PCDHGA3: variants seen among roughly 807,000 people sequenced by gnomAD.
PCDHGA3 encodes protocadherin gamma subfamily A, 3, also known as protocadherin gamma-A3.
PCDHGA3 carries 40 observed loss-of-function variants against 58.5 expected under a neutral mutation model. The observed-to-expected ratio is 0.68, with a 90% CI of 0.53 to 0.89. The LOEUF (loss-of-function observed/expected upper bound fraction) is 0.89, where lower values mean the gene tolerates loss of function less well. PCDHGA3 is among the 40% of genes least tolerant of loss of function. The probability of loss-of-function intolerance (pLI) is 0.00; values close to 1 mark genes in which losing one functional copy is unlikely to be tolerated. For synonymous variants in PCDHGA3, 530 were observed against 525.7 expected (o/e 1.01, Z -0.11); for missense variants, 1,223 against 1,195.9 (o/e 1.02, Z -0.33).
chr5:141,367,752 C>G (rs1039897453), intron 1 of PCDHGA3: 1 of 152,068 alleles, frequency 6.6e-6, no homozygotes, highest in African/African-American at 2.4e-5. Context: ...GAGTTACATA[C>G]TGCTGCACTC....
At chr5:141,372,231 G>T (rs868293386) in intron 1 of PCDHGA3, 3 of 1,613,374 alleles carry the variant, frequency 1.9e-6, no homozygotes, top group Middle Eastern at 3.3e-4. Context: ...GCAGGCCAGC[G>T]AGCCCGGGCT....
Position 141,491,287 on chromosome 5 carries a change from C to T in PCDHGA3, c.2425-3520C>T, listed in dbSNP as rs1562145447. 2 of 1,614,030 alleles carry T rather than the reference C, an allele frequency of 1.2e-6. No homozygotes were observed. Among genetic ancestry groups the T allele is most frequent in the Admixed American group, 1.7e-5 (1 of 60,032 alleles). On this transcript the variant is annotated intron_variant, in intron 1 of 3. Coordinates refer to ENST00000253812, the MANE Select transcript of PCDHGA3 (RefSeq NM_018916.4). The surrounding 1 kb of genome is among the most constrained non-coding windows in gnomAD (Gnocchi z 6.9). ...GCCCAAATCCAGTGACTTCCTCATA[C>T]ACCCTCCTGAGCGTTCAGACCTTAC... is the stretch of plus-strand genomic sequence containing the variant.
rs142728816 is a variant in PCDHGA3 at position 141,356,050 on chromosome 5, G to T, written c.2424+9593G>T. On this transcript the variant is annotated intron_variant, in intron 1 of 3. Coordinates refer to ENST00000253812, the MANE Select transcript of PCDHGA3 (RefSeq NM_018916.4). ...AGACGTGACGTATTCTTTCCGGAAA[G>T]TAAGAGACAAAATATCACAGCTATT... 1,749 of 1,613,978 alleles carry T rather than the reference G, an allele frequency of 1.1e-3. 32 individuals carry two copies. In the East Asian group the frequency reaches 0.034, roughly 31 times the overall value.
At chr5:141,394,950 G>C in intron 1 of PCDHGA3, 1 of 1,613,848 alleles carries the variant, frequency 6.2e-7, no homozygotes, top group Non-Finnish European at 8.5e-7. Context: ...TGTGCTTCTG[G>C]GGCTCAGGCT....
intron 1 of PCDHGA3, chr5:141,355,848 T>G: frequency 6.2e-7 from 1 of 1,612,604 alleles, no homozygotes; most frequent in South Asian, 1.1e-5. Context: ...CGGCCTTCGA[T>G]GGAGGTGACC....
chr5:141,398,889 C>A (rs1300521650), intron 1 of PCDHGA3: 2 of 1,613,958 alleles, frequency 1.2e-6, no homozygotes, highest in Non-Finnish European at 1.7e-6. Context: ...TTCGGGAAAA[C>A]GTGCCACCAG....
chr5:141,378,017 A>G (rs1371705744), intron 1 of PCDHGA3: 1 of 152,202 alleles, frequency 6.6e-6, no homozygotes, highest in South Asian at 2.1e-4. Flanking sequence ...AGCTCTACTT[A>G]TATTATTTTT....
At position 141,490,857 on chromosome 5, in the gene PCDHGA3, C is replaced by G; in HGVS notation, c.2425-3950C>G. 6.2e-7 allele frequency: 1 copy of G among 1,613,832 alleles called. No homozygotes were observed. Among genetic ancestry groups the G allele is most frequent in the Admixed American group, 1.7e-5 (1 of 60,012 alleles). On this transcript the variant is annotated intron_variant, in intron 1 of 3. Coordinates refer to ENST00000253812, the MANE Select transcript of PCDHGA3 (RefSeq NM_018916.4). The surrounding 1 kb of genome is among the most constrained non-coding windows in gnomAD (Gnocchi z 5.4). ...AGATTGTGGTGGGGGTTCGAGACTCCGGCTCTCCCCCATTGCATGCCAACA... is the reference window on the plus strand; with the variant it reads ...AGATTGTGGTGGGGGTTCGAGACTCGGGCTCTCCCCCATTGCATGCCAACA...
At chr5:141,371,906 C>G in intron 1 of PCDHGA3, 1 of 1,613,406 alleles carries the variant, frequency 6.2e-7, no homozygotes, top group Non-Finnish European at 8.5e-7. Flanking sequence ...TGTCGTCCTA[C>G]GTGTCCGTGA....
chr5:141,458,553 T>G (rs987591790), intron 1 of PCDHGA3, among the ~76,000 whole-genome samples: 24 of 146,852 alleles, frequency 1.6e-4, no homozygotes, highest in Non-Finnish European at 2.5e-4. Flanking sequence ...TGTTTGTTTG[T>G]TTTGGTTTTG....
At chr5:141,368,190 GA>G (rs1352069840) in intron 1 of PCDHGA3, among the ~76,000 whole-genome samples, 2 of 152,032 alleles carry the variant, frequency 1.3e-5, no homozygotes, top group African/African-American at 4.8e-5. Flanking sequence ...TAAATAAGGG[GA>G]AAAGGTAATA....
chr5:141,348,698 G>T (rs945739744), intron 1 of PCDHGA3, among the ~76,000 whole-genome samples: 1 of 152,050 alleles, frequency 6.6e-6, no homozygotes, highest in East Asian at 1.9e-4. Flanking sequence ...TGAAGAATGG[G>T]CAAGAATCCA....
Position 141,490,732 on chromosome 5 carries a change from G to A in PCDHGA3, c.2425-4075G>A, listed in dbSNP as rs775388969. 6.2e-6 allele frequency: 10 copies of A among 1,614,188 alleles called. No homozygotes were observed. The highest frequency in any genetic ancestry group is 8.5e-6 in the Non-Finnish European group (10 of 1,180,042). ...CACCTACTCCATTGTAGGAAATCAG[G>A]TTCAGGGAGCCCCAGCCTCCTCCTT... On this transcript the variant is annotated intron_variant, in intron 1 of 3. Transcript: ENST00000253812. This position sits in a 1 kb window ranked among gnomAD's most constrained non-coding sequence, Gnocchi z 5.4.
At chr5:141,364,871 G>A (rs775321480) in intron 1 of PCDHGA3, 2 of 1,614,010 alleles carry the variant, frequency 1.2e-6, no homozygotes, top group Admixed American at 1.7e-5. Flanking sequence ...CTTCTCTCTG[G>A]ATGTGGTAAG....
chr5:141,497,131 A>G (rs1269110126), intron 2 of PCDHGA3, among the ~76,000 whole-genome samples: 3 of 152,122 alleles, frequency 2.0e-5, no homozygotes, highest in Admixed American at 6.6e-5. Flanking sequence ...GGTTGCAGTG[A>G]GCTGAGATCA....
rs765819865 is a variant in PCDHGA3, at chr5:141,394,837, TG to T, written c.2424+48383del. ...AGCATCCCCGAAGTCCTGACCGAGT[TG>T]GGCAGTCTGAAGCCTTCGGTCGACC... On this transcript the variant is annotated intron_variant, in intron 1 of 3. Transcript: ENST00000253812. The T allele has an allele frequency of 1.9e-6, 3 of 1,613,824 alleles. No homozygotes were observed. The South Asian group carries it at 3.3e-5, about 18-fold the overall frequency.
rs771356119 is a variant in PCDHGA3 at position 141,385,251 on chromosome 5, C to G, written c.2424+38794C>G. Reference sequence around the variant, plus strand: ...TAGACATGCTCATCAGCCAGGAGAGCTGTGAGAAAAATGATTCTTTGCTAA... The same window carrying G: ...TAGACATGCTCATCAGCCAGGAGAGGTGTGAGAAAAATGATTCTTTGCTAA... On this transcript the variant is annotated intron_variant, in intron 1 of 3. Coordinates refer to ENST00000253812, the MANE Select transcript of PCDHGA3 (RefSeq NM_018916.4). The G allele has an allele frequency of 1.2e-5, 19 of 1,613,660 alleles. No individual in the cohort carries two copies. The Admixed American group carries it at 1.8e-4, about 16-fold the overall frequency.
At chr5:141,422,724 G>T (rs560544401) in intron 1 of PCDHGA3, 3 of 1,606,016 alleles carry the variant, frequency 1.9e-6, no homozygotes, top group Admixed American at 3.3e-5. Context: ...CTGTCCAGGG[G>T]GTGCCTCTGT....
In PCDHGA3 at chr5:141,476,132, T is replaced by C. The variant is rs751708569; in HGVS notation, c.2425-18675T>C. 2 of 1,607,820 alleles carry C rather than the reference T, an allele frequency of 1.2e-6. No homozygotes were observed. The highest frequency in any genetic ancestry group is 1.1e-5 in the South Asian group (1 of 90,582). On this transcript the variant is annotated intron_variant, in intron 1 of 3. Coordinates refer to ENST00000253812, the MANE Select transcript of PCDHGA3 (RefSeq NM_018916.4). The surrounding 1 kb of genome is among the most constrained non-coding windows in gnomAD (Gnocchi z 7.6). ...TTTGAGTGAGATGGTCCCAGAGGCC[T>C]GGAGGAGCGGACTGGTAAGCACCGG...
Sources: gnomAD v4.1 joint callset for allele counts (sites outside exome capture counted in the v4.1 genomes callset) on GRCh38, gnomAD v4.1.1 for gene constraint, Gnocchi (gnomAD v3.1) non-coding constraint, MANE v1.5 for transcripts, NCBI Gene and HGNC (gene_info 2026-07-23, HGNC 2026-07-21) for gene names.